LDLRAD4: variants seen among roughly 807,000 people sequenced by gnomAD.
The protein encoded by LDLRAD4 is low density lipoprotein receptor class A domain containing 4.
LDLRAD4 carries 5 observed loss-of-function variants against 17.0 expected under a neutral mutation model. That is an observed-to-expected ratio of 0.29 (90% CI 0.15 to 0.62). The LOEUF (loss-of-function observed/expected upper bound fraction) is 0.62, where lower values mean the gene tolerates loss of function less well. Among genes scored for constraint, LDLRAD4 ranks in the 20% least tolerant of loss-of-function variants. LDLRAD4 has a pLI of 0.84. For synonymous variants in LDLRAD4, 168 were observed against 171.8 expected (o/e 0.98, Z 0.17); for missense variants, 340 against 424.7 (o/e 0.80, Z 1.75).
intron 3 of LDLRAD4, among the ~76,000 whole-genome samples, chr18:13,572,272 A>T (rs57390956): frequency 6.6e-6 from 1 of 152,212 alleles, no homozygotes; most frequent in African/African-American, 2.4e-5. Context: ...GTTTTCAAGT[A>T]ACAAAAGAAA....
chr18:13,261,343 G>A (rs578073748), intron 1 of LDLRAD4, among the ~76,000 whole-genome samples: 7 of 152,342 alleles, frequency 4.6e-5, no homozygotes, highest in African/African-American at 1.7e-4. Context: ...CCAAGGACTT[G>A]ATTTCTGGTT....
At chr18:13,636,376 T>C (rs2042082689) in intron 4 of LDLRAD4, among the ~76,000 whole-genome samples, 2 of 152,248 alleles carry the variant, frequency 1.3e-5, no homozygotes, top group Middle Eastern at 6.8e-3. Context: ...TAAACACATG[T>C]TGTTCAACGG....
At chr18:13,530,909 G>A (rs566261350) in intron 3 of LDLRAD4, among the ~76,000 whole-genome samples, 32 of 152,254 alleles carry the variant, frequency 2.1e-4, no homozygotes, top group African/African-American at 7.0e-4. Context: ...GTGGTCCTGG[G>A]CAGCGAAACT....
chr18:13,652,601 A>AAT (rs2149044436), exon 6 of LDLRAD4: 1 of 152,742 alleles, frequency 6.5e-6, no homozygotes, highest in African/African-American at 2.4e-5. Flanking sequence ...GCAATGGTGT[A>AAT]GTTCTTAGAC....
rs1472702666 is a variant in LDLRAD4 at position 13,645,440 on chromosome 18, CG to C, written c.707del (p.Gly236AlafsTer23). 6.2e-7 allele frequency: 1 copy of C among 1,613,896 alleles called. No homozygotes were observed. Among genetic ancestry groups the C allele is most frequent in the African/African-American group, 1.3e-5 (1 of 74,936 alleles). ...GGTCCATGCCCACCCAGCAGCAACT[CG>C]GGCATCAGTGCAAGCACCTGCAGCA... On this transcript the variant is annotated frameshift_variant, in exon 6 of 6. Coordinates refer to ENST00000359446, the Ensembl canonical transcript of LDLRAD4. LOFTEE classifies it high-confidence loss of function. This position sits in a 1 kb window ranked among gnomAD's most constrained non-coding sequence, Gnocchi z 5.7.
At chr18:13,301,719 T>G (rs1230454046) in intron 1 of LDLRAD4, among the ~76,000 whole-genome samples, 2 of 152,246 alleles carry the variant, frequency 1.3e-5, no homozygotes, top group African/African-American at 4.8e-5. Flanking sequence ...GTGAATTTTG[T>G]GACCCTCACT....
At chr18:13,390,477 C>T (rs796915150) in intron 2 of LDLRAD4, among the ~76,000 whole-genome samples, 166 of 152,318 alleles carry the variant, frequency 1.1e-3, no homozygotes, top group African/African-American at 3.9e-3. Flanking sequence ...ACCTGGGTCT[C>T]ACCCTCAGAG....
At chr18:13,335,339 T>C (rs2082055085) in intron 1 of LDLRAD4, among the ~76,000 whole-genome samples, 1 of 152,214 alleles carries the variant, frequency 6.6e-6, no homozygotes, top group Non-Finnish European at 1.5e-5. Flanking sequence ...TTTACTGTCA[T>C]ACTGTTAGAT....
chr18:13,289,405 G>T (rs893585373), intron 1 of LDLRAD4, among the ~76,000 whole-genome samples: 1 of 152,178 alleles, frequency 6.6e-6, no homozygotes, highest in African/African-American at 2.4e-5. Flanking sequence ...GCAGAACATT[G>T]AACTGTTCAA....
chr18:13,334,681 T>A (rs1183078841), intron 1 of LDLRAD4, among the ~76,000 whole-genome samples: 3 of 152,270 alleles, frequency 2.0e-5, no homozygotes, highest in African/African-American at 7.2e-5. Context: ...GTGTGCCTTT[T>A]ATTTCCTTTC....
chr18:13,378,280 C>T (rs904162470), intron 1 of LDLRAD4, among the ~76,000 whole-genome samples: 6 of 152,212 alleles, frequency 3.9e-5, no homozygotes, highest in African/African-American at 1.2e-4. Flanking sequence ...CACTCTGTGA[C>T]AGCTGCTCCT....
chr18:13,621,220 C>T lies in LDLRAD4; in HGVS notation c.285C>T (p.Ser95=). 1.2e-6 allele frequency: 2 copies of T among 1,614,060 alleles called. No homozygotes were observed. The change falls in exon 4 of 6, where the codon TCC becomes TCT. Residue 95 remains serine (S), a synonymous_variant. Coordinates refer to ENST00000359446, the Ensembl canonical transcript of LDLRAD4. The surrounding 1 kb of genome is among the most constrained non-coding windows in gnomAD (Gnocchi z 5.5). ...ACCACTACAAAGTCTCCACGCGGTCCTTCATCAACCGCCCGAACCAGAGCC... is the reference window on the plus strand; with the variant it reads ...ACCACTACAAAGTCTCCACGCGGTCTTTCATCAACCGCCCGAACCAGAGCC...
At chr18:13,610,265 ATTTTTTTTTTTTTTTTTTTTTTTTTTT>A (rs1157718015) in intron 3 of LDLRAD4, among the ~76,000 whole-genome samples, 1 of 62,480 alleles carries the variant, frequency 1.6e-5, no homozygotes, top group East Asian at 4.5e-4. Flanking sequence ...CAAAGCCCTA[ATTTTTTTTTTTTTTTTTTTTTTTTTTT>A]TTTTTTTTTT....
At chr18:13,422,580 C>T (rs550060123) in intron 2 of LDLRAD4, among the ~76,000 whole-genome samples, 1 of 151,654 alleles carries the variant, frequency 6.6e-6, no homozygotes, top group African/African-American at 2.4e-5. Context: ...TGCCTGTAGT[C>T]CCAGCTACTC....
chr18:13,572,301 A>G (rs1039351093), intron 3 of LDLRAD4, among the ~76,000 whole-genome samples: 2 of 152,120 alleles, frequency 1.3e-5, no homozygotes, highest in African/African-American at 2.4e-5. Flanking sequence ...CTGCTGAGCC[A>G]CCCCTGGCCC....
chr18:13,629,821 T>C (rs1015792291), intron 4 of LDLRAD4, among the ~76,000 whole-genome samples: 1 of 151,980 alleles, frequency 6.6e-6, no homozygotes, highest in African/African-American at 2.4e-5. Context: ...TTAATGATCA[T>C]AACTCTGGGT....
chr18:13,384,572 C>T (rs780348093), intron 1 of LDLRAD4, among the ~76,000 whole-genome samples: 18 of 152,200 alleles, frequency 1.2e-4, no homozygotes, highest in Non-Finnish European at 2.2e-4. Flanking sequence ...TTTTCTTCAT[C>T]GTTCTTCCTC....
chr18:13,494,662 A>AGTGAGACT (rs369875845), intron 3 of LDLRAD4, among the ~76,000 whole-genome samples: 4 of 19,652 alleles, frequency 2.0e-4, no homozygotes, highest in Admixed American at 6.9e-4. Flanking sequence ...CTGGAGACAG[A>AGTGAGACT]CATATTTAAT....
At chr18:13,317,379 C>G (rs938315092) in intron 1 of LDLRAD4, among the ~76,000 whole-genome samples, 1 of 152,178 alleles carries the variant, frequency 6.6e-6, no homozygotes. Context: ...TCCTGACCTG[C>G]TCAGCTATTC....
Sources: gnomAD v4.1 joint callset for allele counts (sites outside exome capture counted in the v4.1 genomes callset) on GRCh38, gnomAD v4.1.1 for gene constraint, Gnocchi (gnomAD v3.1) non-coding constraint, MANE v1.5 for transcripts, NCBI Gene and HGNC (gene_info 2026-07-23, HGNC 2026-07-21) for gene names.